Variants in ELP3 observed in about 807,000 individuals in gnomAD.
The protein encoded by ELP3 is elongator complex protein 3.
In ELP3, 56 loss-of-function variants were observed where a neutral mutation model predicts 74.9. That is an observed-to-expected ratio of 0.75 (90% CI 0.60 to 0.93). ELP3 has a LOEUF of 0.93. Among genes scored for constraint, ELP3 ranks in the 40% least tolerant of loss-of-function variants. ELP3 has a pLI of 0.00. For synonymous variants in ELP3, 222 were observed against 239.8 expected (o/e 0.93, Z 0.68); for missense variants, 573 against 686.5 (o/e 0.83, Z 1.85).
rs182580225 is a variant in ELP3, at chr8:28,145,010, C to T, written c.1100+7119C>T. The stretch of plus-strand genomic sequence containing the variant: ...TGAGCTGAGATCGTGCCACTGCACT[C>T]AGCCTGGTGACAGAGTGAGACTCCA... On this transcript the variant is annotated intron_variant, in intron 10 of 14. Transcript: ENST00000256398. Among the ~76,000 whole-genome samples, 5 of 151,998 alleles carry T rather than the reference C, an allele frequency of 3.3e-5. No homozygotes were observed. The East Asian group carries it at 9.7e-4, about 29-fold the overall frequency.
At chr8:28,097,632 G>A (rs1275138565) in intron 2 of ELP3, among the ~76,000 whole-genome samples, 11 of 152,148 alleles carry the variant, frequency 7.2e-5, no homozygotes, top group East Asian at 1.9e-4. Context: ...TCCTGACCTC[G>A]TGATCTGCCC....
chr8:28,171,925 C>T (rs961981378), intron 14 of ELP3, among the ~76,000 whole-genome samples: 4 of 152,050 alleles, frequency 2.6e-5, no homozygotes, highest in Non-Finnish European at 4.4e-5. Context: ...TTTCTTTTCC[C>T]ATTGAATGCT....
chr8:28,152,668 T>C (rs943177189), intron 10 of ELP3, among the ~76,000 whole-genome samples: 2 of 152,090 alleles, frequency 1.3e-5, no homozygotes, highest in Non-Finnish European at 2.9e-5. Flanking sequence ...TAGCCGGGTG[T>C]GGTGGCAGGC....
intron 11 of ELP3, among the ~76,000 whole-genome samples, chr8:28,157,164 A>C (rs1202950577): frequency 2.0e-5 from 3 of 152,056 alleles, no homozygotes; most frequent in African/African-American, 7.2e-5. Flanking sequence ...GCCTCTATTA[A>C]AGTAAGCTGG....
chr8:28,185,428 A>G (rs183942544), intron 14 of ELP3, among the ~76,000 whole-genome samples: 39 of 152,330 alleles, frequency 2.6e-4, no homozygotes, highest in African/African-American at 2.4e-5. Context: ...GAGATCTGCA[A>G]ACATTTATTG....
chr8:28,093,158 G>A lies in ELP3; in HGVS notation c.-57G>A. The A allele has an allele frequency of 6.2e-7, 1 of 1,602,510 alleles. No individual in the cohort carries two copies. The highest frequency in any genetic ancestry group is 1.1e-5 in the South Asian group (1 of 88,818). On this transcript the variant is annotated 5_prime_UTR_variant, in exon 1 of 15. Transcript: ENST00000256398. ...TTTTGTGGCTGTCAGCTTTCCCCGTGGTCTGAGTTTGTGGCTGCATTTTTA... is the reference window on the plus strand; with the variant it reads ...TTTTGTGGCTGTCAGCTTTCCCCGTAGTCTGAGTTTGTGGCTGCATTTTTA...
intron 10 of ELP3, among the ~76,000 whole-genome samples, chr8:28,140,336 T>C (rs929818818): frequency 1.3e-5 from 2 of 152,130 alleles, no homozygotes; most frequent in African/African-American, 4.8e-5. Flanking sequence ...AATTTGAGCA[T>C]CAAAATAAAT....
intron 14 of ELP3, among the ~76,000 whole-genome samples, chr8:28,164,051 G>A (rs1814211468): frequency 6.6e-6 from 1 of 152,230 alleles, no homozygotes; most frequent in Non-Finnish European, 1.5e-5. Context: ...TAATAGTCAA[G>A]TGACTTTCTG....
chr8:28,098,785 A>G (rs992324869), intron 2 of ELP3, among the ~76,000 whole-genome samples: 3 of 152,178 alleles, frequency 2.0e-5, no homozygotes, highest in Admixed American at 6.5e-5. Flanking sequence ...TTGCATCTGC[A>G]CATAAATCAG....
At chr8:28,126,000 T>C (rs1812561716) in intron 7 of ELP3, among the ~76,000 whole-genome samples, 1 of 152,206 alleles carries the variant, frequency 6.6e-6, no homozygotes, top group Non-Finnish European at 1.5e-5. Context: ...TTATTCCTTC[T>C]TCAAATTTGT....
chr8:28,102,463 A>C (rs908889999), intron 3 of ELP3, among the ~76,000 whole-genome samples: 4 of 152,180 alleles, frequency 2.6e-5, no homozygotes, highest in African/African-American at 9.7e-5. Context: ...TCCTACCTAC[A>C]TGAAATGCAT....
chr8:28,170,783 T>C (rs949274541), intron 14 of ELP3, among the ~76,000 whole-genome samples: 2 of 152,182 alleles, frequency 1.3e-5, no homozygotes, highest in African/African-American at 4.8e-5. Context: ...TATAAATCAG[T>C]GGCATTATTT....
intron 3 of ELP3, among the ~76,000 whole-genome samples, chr8:28,103,029 G>A (rs575037178): frequency 3.9e-5 from 6 of 152,282 alleles, no homozygotes; most frequent in African/African-American, 1.4e-4. Flanking sequence ...AATTAGCCGG[G>A]CATGGTGGCG....
chr8:28,148,270 T>C (rs987707794), intron 10 of ELP3, among the ~76,000 whole-genome samples: 21 of 152,096 alleles, frequency 1.4e-4, no homozygotes, highest in African/African-American at 5.1e-4. Flanking sequence ...TAGTTGTAGG[T>C]TTGATGAGGA....
chr8:28,115,840 C>T (rs1300801660), intron 7 of ELP3, among the ~76,000 whole-genome samples: 1 of 152,112 alleles, frequency 6.6e-6, no homozygotes, highest in Non-Finnish European at 1.5e-5. Context: ...AGGAATATGG[C>T]CTGTTTTTCC....
chr8:28,180,921 C>T (rs1444427505), intron 14 of ELP3, among the ~76,000 whole-genome samples: 1 of 152,108 alleles, frequency 6.6e-6, no homozygotes, highest in Non-Finnish European at 1.5e-5. Flanking sequence ...GGAAGCAACT[C>T]TGCCTCTCAG....
intron 2 of ELP3, among the ~76,000 whole-genome samples, chr8:28,097,586 C>T (rs571578695): frequency 1.2e-3 from 187 of 152,026 alleles, no homozygotes; most frequent in Non-Finnish European, 2.1e-3. Context: ...TTAGTAGAGA[C>T]GGGGTTTCAC....
At chr8:28,124,063 T>G (rs1812481506) in intron 7 of ELP3, among the ~76,000 whole-genome samples, 1 of 152,212 alleles carries the variant, frequency 6.6e-6, no homozygotes, top group Non-Finnish European at 1.5e-5. Flanking sequence ...TATCTGCCAG[T>G]TTAATCATCT....
At chr8:28,179,567 T>C (rs929872820) in intron 14 of ELP3, among the ~76,000 whole-genome samples, 6 of 152,212 alleles carry the variant, frequency 3.9e-5, no homozygotes, top group African/African-American at 1.4e-4. Context: ...TTGTGCACTT[T>C]ATTCCTATTA....
Sources: allele counts gnomAD v4.1 joint callset (sites outside exome capture counted in the v4.1 genomes callset), GRCh38; gene constraint gnomAD v4.1.1; transcripts MANE v1.5; gene names NCBI Gene and HGNC (gene_info 2026-07-23, HGNC 2026-07-21).